CREBZF: variants seen among roughly 807,000 people sequenced by gnomAD.
CREBZF encodes the protein CREB/ATF bZIP transcription factor, also known as HCF-binding transcription factor Zhangfei.
Under a neutral mutation model 21.1 loss-of-function variants are expected in CREBZF, and 8 were observed. The observed-to-expected ratio is 0.38, with a 90% CI of 0.22 to 0.68. The LOEUF (loss-of-function observed/expected upper bound fraction) is 0.68. Ranked by LOEUF, CREBZF falls within the 30% of genes least tolerant of loss-of-function variation. CREBZF has a pLI of 0.51. For synonymous variants in CREBZF, 270 were observed against 223.3 expected (o/e 1.21, Z -1.86); for missense variants, 518 against 484.3 (o/e 1.07, Z -0.65).
In CREBZF at chr11:85,663,361, C is replaced by A; in HGVS notation, c.*450G>T. On this transcript the variant is annotated 3_prime_UTR_variant, in exon 1 of 1. Transcript: ENST00000527447. The stretch of plus-strand genomic sequence containing the variant: ...GCATCTTAAATACATTCTTGACCAG[C>A]ACAAGTCTGTTTCCAGGGTGGACAG... The A allele has an allele frequency of 1.6e-6, 1 of 624,766 alleles. No individual in the cohort carries two copies. 38.7% of individuals were successfully genotyped at this position (624,766 alleles called of 1,614,324 possible).
chr11:85,677,156 A>T (rs571922214), intron 1 of CREBZF, among the ~76,000 whole-genome samples: 6 of 150,128 alleles, frequency 4.0e-5, no homozygotes, highest in African/African-American at 1.5e-4. Context: ...GTAGAGGAGG[A>T]GTTTCATCAT....
At chr11:85,670,607 G>T (rs920911455) in intron 1 of CREBZF, among the ~76,000 whole-genome samples, 11 of 152,174 alleles carry the variant, frequency 7.2e-5, no homozygotes, top group African/African-American at 2.6e-4. Flanking sequence ...AGCCTCTCAA[G>T]TTCTTTAACC....
chr11:85,666,151 A>G (rs2082858715), upstream of CREBZF, among the ~76,000 whole-genome samples: 1 of 152,202 alleles, frequency 6.6e-6, no homozygotes, highest in African/African-American at 2.4e-5. Flanking sequence ...CTCCATTCTC[A>G]AAACATGTCT....
rs573061937 is a variant in CREBZF at position 85,664,998 on chromosome 11, T to C, written c.-123A>G. On this transcript the variant is annotated 5_prime_UTR_variant, in exon 1 of 1. Coordinates refer to ENST00000527447, the MANE Select transcript of CREBZF (RefSeq NM_001039618.4). The surrounding 1 kb of genome is among the most constrained non-coding windows in gnomAD (Gnocchi z 5.5). ...GGCCGAAACGAAATGCAGGGAAAGG[T>C]CCGAGTCGCCTCCCGCCTCACTTGG... The C allele has an allele frequency of 1.6e-4, 99 of 627,048 alleles. No individual in the cohort carries two copies. Among genetic ancestry groups the C allele is most frequent in the Non-Finnish European group, 2.1e-4 (88 of 415,464 alleles). The allele number at this position is 627,048 out of a possible 1,614,324, so 38.8% of individuals were successfully genotyped here.
chr11:85,664,724 G>A lies in CREBZF; in HGVS notation c.152C>T (p.Pro51Leu). ...GTCGCCAAACTGCTGCTTGCGGCCG[G>A]GAGATCCGGCCGCCGCCGTCTCCTC... is the stretch of plus-strand genomic sequence containing the variant. ...GEEETAAAGS[P>L]GRKQQFGDEG... The change falls in exon 1 of 1, where the codon CCC (proline) becomes CTC (leucine). Residue 51 changes from proline to leucine, a missense_variant. Around this residue, in one of 3 missense-constraint regions of CREBZF, gnomAD observed 396 missense variants for 324.4 expected, o/e 1.22. Coordinates refer to ENST00000527447, the MANE Select transcript of CREBZF (RefSeq NM_001039618.4). This position sits in a 1 kb window ranked among gnomAD's most constrained non-coding sequence, Gnocchi z 5.5. 1 of 1,604,542 alleles carries A rather than the reference G, an allele frequency of 6.2e-7. No individual in the cohort carries two copies. Among genetic ancestry groups the A allele is most frequent in the Non-Finnish European group, 8.5e-7 (1 of 1,176,932 alleles).
Position 85,658,727 on chromosome 11 carries a change from G to C in CREBZF, c.*5084C>G, listed in dbSNP as rs1246384670. On this transcript the variant is annotated 3_prime_UTR_variant, in exon 1 of 1. Coordinates refer to ENST00000527447, the MANE Select transcript of CREBZF (RefSeq NM_001039618.4). ...TAAAGCCCAAATTATAGTACACTAA[G>C]AGCCAGAGGGGTCTAGGGAATTGAT... 6.6e-6 allele frequency among the ~76,000 whole-genome samples: 1 copy of C among 151,516 alleles called. No homozygotes were observed. Among genetic ancestry groups the C allele is most frequent in the Admixed American group, 6.6e-5 (1 of 15,196 alleles).
At position 85,659,683 on chromosome 11, in the gene CREBZF, A is replaced by G. The variant is rs1413009297; in HGVS notation, c.*4128T>C. The G allele has an allele frequency of 6.6e-6, 1 of 152,108 alleles. No homozygotes were observed. Among genetic ancestry groups the G allele is most frequent in the Non-Finnish European group, 1.5e-5 (1 of 67,934 alleles). The allele number at this position is 152,108 out of a possible 1,614,324, so 9.4% of individuals were successfully genotyped here. ...AAGGAATGTATTAACATAATCCAACAAAAATGAAATAAAACAATCCAGAGT... is the reference window on the plus strand; with the variant it reads ...AAGGAATGTATTAACATAATCCAACGAAAATGAAATAAAACAATCCAGAGT... On this transcript the variant is annotated 3_prime_UTR_variant, in exon 1 of 1. Coordinates refer to ENST00000527447, the MANE Select transcript of CREBZF (RefSeq NM_001039618.4).
At chr11:85,670,103 G>A (rs149930279), upstream of CREBZF, among the ~76,000 whole-genome samples, 385 of 152,080 alleles carry the variant, frequency 2.5e-3, no homozygotes, top group South Asian at 4.2e-3. Context: ...CACCGTGCCT[G>A]GACTAATTAC....
At chr11:85,672,849 G>A (rs1023484215) in intron 1 of CREBZF, among the ~76,000 whole-genome samples, 9 of 152,184 alleles carry the variant, frequency 5.9e-5, no homozygotes, top group African/African-American at 2.2e-4. Context: ...CTTATTCATG[G>A]TGGGAGAGGA....
intron 1 of CREBZF, among the ~76,000 whole-genome samples, chr11:85,678,113 T>C (rs2082952968): frequency 6.6e-6 from 1 of 152,252 alleles, no homozygotes. Context: ...CCCTCCAATT[T>C]AGCTCTCTTG....
In CREBZF at chr11:85,664,084, A is replaced by G; in HGVS notation, c.792T>C (p.Ser264=). 1 of 1,611,222 alleles carries G rather than the reference A, an allele frequency of 6.2e-7. No homozygotes were observed. The highest frequency in any genetic ancestry group is 8.5e-7 in the Non-Finnish European group (1 of 1,179,392). ...TGGCTAAGACTGCCCGTAGGTAGCG[A>G]CTCTCCTCCTGCAGTGCCTGTACGC... ...GKRVQALQEE[S]RYLRAVLANE... The change falls in exon 1 of 1, where the codon AGT becomes AGC. Residue 264 remains serine, a synonymous_variant. Transcript: ENST00000527447. This position sits in a 1 kb window ranked among gnomAD's most constrained non-coding sequence, Gnocchi z 5.5.
intron 1 of CREBZF, among the ~76,000 whole-genome samples, chr11:85,677,066 C>T (rs1224583616): frequency 1.3e-5 from 2 of 150,972 alleles, no homozygotes; most frequent in Non-Finnish European, 1.5e-5. Context: ...CAGGTTCAAG[C>T]AATTCTCCTG....
chr11:85,673,760 G>A (rs2082927032), intron 1 of CREBZF, among the ~76,000 whole-genome samples: 1 of 152,208 alleles, frequency 6.6e-6, no homozygotes, highest in Non-Finnish European at 1.5e-5. Flanking sequence ...CAGAATTGGA[G>A]TCAATTCTCT....
chr11:85,678,316 G>C (rs2082954624), intron 1 of CREBZF, among the ~76,000 whole-genome samples: 1 of 152,086 alleles, frequency 6.6e-6, no homozygotes, highest in South Asian at 2.1e-4. Flanking sequence ...CACTGCATTG[G>C]ATTTTTATTG....
rs1231792178 is a variant in CREBZF at position 85,664,147 on chromosome 11, G to A, written c.729C>T (p.Asn243=). The change falls in exon 1 of 1, where the codon AAC becomes AAT. Residue 243 remains asparagine, a synonymous_variant. Coordinates refer to ENST00000527447, the MANE Select transcript of CREBZF (RefSeq NM_001039618.4). The surrounding 1 kb of genome is among the most constrained non-coding windows in gnomAD (Gnocchi z 5.5). ...ESRVRGLAAE[N]QELRAENREL... ...CCCGATTCTCGGCCCGCAGCTCCTGGTTCTCGGCTGCCAGACCCCGGACTC... is the reference window on the plus strand; with the variant it reads ...CCCGATTCTCGGCCCGCAGCTCCTGATTCTCGGCTGCCAGACCCCGGACTC... The A allele has an allele frequency of 6.2e-7, 1 of 1,613,578 alleles. No individual in the cohort carries two copies. The highest frequency in any genetic ancestry group is 1.3e-5 in the African/African-American group (1 of 75,030).
At chr11:85,669,151 G>C (rs564873988), upstream of CREBZF, among the ~76,000 whole-genome samples, 2 of 151,728 alleles carry the variant, frequency 1.3e-5, no homozygotes, top group African/African-American at 4.8e-5. Context: ...CAAGTCTTTG[G>C]GGGGAAGGAG....
Position 85,658,251 on chromosome 11 carries a change from C to T in CREBZF, c.*5560G>A, listed in dbSNP as rs142768798. ...CCAATGATATAACTAAGTTCTTTGA[C>T]GATTGAGCACACATTGTTTCCTTAC... On this transcript the variant is annotated 3_prime_UTR_variant, in exon 1 of 1. Coordinates refer to ENST00000527447, the MANE Select transcript of CREBZF (RefSeq NM_001039618.4). 2.0e-3 allele frequency among the ~76,000 whole-genome samples: 301 copies of T among 152,056 alleles called. No individual in the cohort carries two copies. The highest frequency in any genetic ancestry group is 3.4e-3 in the Non-Finnish European group (230 of 67,836).
chr11:85,665,001 G>T lies in CREBZF; in HGVS notation c.-126C>A, dbSNP rs920811483. The T allele has an allele frequency of 4.3e-5, 26 of 610,364 alleles. 1 individual carries two copies. In the East Asian group the frequency reaches 8.8e-4, roughly 21 times the overall value. 37.8% of individuals were successfully genotyped at this position (610,364 alleles called of 1,614,324 possible). ...CGAAACGAAATGCAGGGAAAGGTCC[G>T]AGTCGCCTCCCGCCTCACTTGGCTA... On this transcript the variant is annotated 5_prime_UTR_variant, in exon 1 of 1. Transcript: ENST00000527447.
chr11:85,682,201 A>T (rs1023495820), intron 1 of CREBZF, among the ~76,000 whole-genome samples: 9 of 152,086 alleles, frequency 5.9e-5, no homozygotes, highest in African/African-American at 2.2e-4. Context: ...TGGACAAGTC[A>T]TCCTCTCTTA....
Sources: allele counts gnomAD v4.1 joint callset (sites outside exome capture counted in the v4.1 genomes callset), GRCh38; gene constraint gnomAD v4.1.1; regional missense constraint gnomAD v4.1.1; non-coding constraint Gnocchi (gnomAD v3.1); transcripts MANE v1.5; gene names NCBI Gene and HGNC (gene_info 2026-07-23, HGNC 2026-07-21).